CENPN: variants seen among roughly 807,000 people sequenced by gnomAD.
The protein encoded by CENPN is interphase centromere complex protein 32.
In CENPN, 36 loss-of-function variants were observed where a neutral mutation model predicts 48.6. That is an observed-to-expected ratio of 0.74 (90% CI 0.57 to 0.98). The LOEUF is 0.98. Among genes scored for constraint, CENPN ranks in the 50% least tolerant of loss-of-function variants. CENPN has a pLI of 0.00. For missense variants in CENPN, 439 were observed against 399.2 expected (o/e 1.10, Z -0.85); for synonymous variants, 166 against 135.2 (o/e 1.23, Z -1.58).
At chr16:81,023,035 CAG>C (rs2151699571) in intron 7 of CENPN, 1 of 678,462 alleles carries the variant, frequency 1.5e-6, no homozygotes, top group African/African-American at 1.8e-5. Context: ...TATGAAACAA[CAG>C]AGAAGTAGAA....
Position 81,028,618 on chromosome 16 carries a change from G to C in CENPN, c.987G>C (p.Lys329Asn). The change falls in exon 11 of 11, where the codon AAG (lysine) becomes AAC (asparagine). Residue 329 changes from lysine (K) to asparagine (N), a missense_variant. By Grantham distance (94) the Lys-to-Asn change is moderately conservative. Coordinates refer to ENST00000305850, the MANE Select transcript of CENPN (RefSeq NM_001100624.3). Reference sequence around the variant, plus strand: ...CACTGCTCACTTGCATACCCAACAAGAGAATGAATTATTTTAAAATTAGAG... The same window carrying C: ...CACTGCTCACTTGCATACCCAACAACAGAATGAATTATTTTAAAATTAGAG... ...LSPLLTCIPN[K>N]RMNYFKIRDK 3 of 1,611,742 alleles carry C rather than the reference G, an allele frequency of 1.9e-6. No homozygotes were observed. The highest frequency in any genetic ancestry group is 2.5e-6 in the Non-Finnish European group (3 of 1,179,570).
chr16:81,024,912 A>G (rs985622832), intron 8 of CENPN, 134 bp downstream of exon 8: 2 of 513,292 alleles, frequency 3.9e-6, no homozygotes, highest in Non-Finnish European at 6.7e-6. Flanking sequence ...TGAAAAGTAA[A>G]TATCTGTTGA....
At chr16:81,022,500 CTA>C in intron 6 of CENPN, 95 bp from the exon 7 acceptor site, 1 of 1,004,500 alleles carries the variant, frequency 1.0e-6, no homozygotes, top group Non-Finnish European at 1.5e-6. Flanking sequence ...TACGGGGAAA[CTA>C]TTCCCTAATT....
rs1002472284 is a variant in CENPN, at chr16:81,024,638, T to C, written c.634-77T>C. On this transcript the variant is annotated intron_variant, in intron 7 of 10. Coordinates refer to ENST00000305850, the MANE Select transcript of CENPN (RefSeq NM_001100624.3). ...AAAAAAATAAACATTTGACATACTT[T>C]AATATACTAAAAAAAAAATTAATAT... 1.4e-5 allele frequency: 13 copies of C among 955,106 alleles called. No homozygotes were observed. The Admixed American group carries it at 2.9e-4, about 21-fold the overall frequency. 59.2% of individuals were successfully genotyped at this position (955,106 alleles called of 1,614,324 possible). A position where few individuals can be genotyped will look rare whatever the true frequency, so the allele number is the denominator to read the frequency against.
chr16:81,022,987 A>G, intron 7 of CENPN: 1 of 1,012,826 alleles, frequency 9.9e-7, no homozygotes, highest in Non-Finnish European at 1.4e-6. Context: ...CTCTTTAGAG[A>G]AACTTCACAT....
chr16:81,024,787 G>A lies in CENPN; in HGVS notation c.697+9G>A. 2 of 1,579,290 alleles carry A rather than the reference G, an allele frequency of 1.3e-6. No individual in the cohort carries two copies. Among genetic ancestry groups the A allele is most frequent in the South Asian group, 1.1e-5 (1 of 87,688 alleles). ...TGGACTAGATATAAATAGTACGTGT[G>A]TGTTAATATGAAACTGAATTTTGGA... On this transcript the variant is annotated intron_variant, in intron 8 of 10. Transcript: ENST00000305850.
At chr16:81,019,377 T>G (rs1390848759) in intron 5 of CENPN, among the ~76,000 whole-genome samples, 1 of 151,004 alleles carries the variant, frequency 6.6e-6, no homozygotes, top group Non-Finnish European at 1.5e-5. Flanking sequence ...TCACCGTGCC[T>G]GGCTTTTTTT....
intron 3 of CENPN, among the ~76,000 whole-genome samples, chr16:81,015,735 G>C (rs554270056): frequency 6.6e-6 from 1 of 152,332 alleles, no homozygotes; most frequent in South Asian, 2.1e-4. Context: ...GCTGGACGCA[G>C]TGGCTCACAC....
intron 2 of CENPN, 41 bp downstream of exon 2, chr16:81,012,151 C>T (rs749211374): frequency 8.3e-6 from 13 of 1,573,092 alleles, no homozygotes; most frequent in Non-Finnish European, 8.7e-6. Context: ...CAGAGTGCTA[C>T]CCCCTTGGGT....
At chr16:81,018,021 A>G (rs898390239) in intron 5 of CENPN, among the ~76,000 whole-genome samples, 187 bp downstream of exon 5, 10 of 152,074 alleles carry the variant, frequency 6.6e-5, no homozygotes, top group African/African-American at 2.4e-4. Context: ...TCTCCTGTCC[A>G]TTCAGGGCCT....
At chr16:81,011,800 C>T (rs1026492632) in intron 1 of CENPN, 130 bp from the exon 2 acceptor site, 14 of 723,078 alleles carry the variant, frequency 1.9e-5, no homozygotes, top group Non-Finnish European at 2.9e-5. Context: ...CCTAAGAGTT[C>T]AAGACCAACG....
intron 10 of CENPN, 95 bp downstream of exon 10, chr16:81,028,392 ACC>A: frequency 1.3e-6 from 2 of 1,514,078 alleles, no homozygotes; most frequent in South Asian, 2.4e-5. Flanking sequence ...CTCACCCATC[ACC>A]CTAGTCTGCT....
intron 5 of CENPN, among the ~76,000 whole-genome samples, chr16:81,018,233 G>T (rs1371141244): frequency 6.6e-6 from 1 of 151,726 alleles, no homozygotes; most frequent in African/African-American, 2.4e-5. Context: ...CTGGAGTGCA[G>T]TGGCGAGATC....
downstream of CENPN, chr16:81,031,495 T>C (rs1245614697): frequency 6.6e-6 from 1 of 152,238 alleles, no homozygotes; most frequent in Non-Finnish European, 1.5e-5. Context: ...CTTTGCAGTG[T>C]GGTCTTTTGC....
chr16:81,018,465 C>G (rs1970025529), intron 5 of CENPN, among the ~76,000 whole-genome samples: 2 of 152,134 alleles, frequency 1.3e-5, no homozygotes, highest in African/African-American at 4.8e-5. Flanking sequence ...TGAGCCACCG[C>G]ACCCAGCCTG....
chr16:81,014,094 ACC>A (rs1368036904), intron 2 of CENPN, 40 bp from the exon 3 acceptor site: 1 of 1,560,146 alleles, frequency 6.4e-7, no homozygotes, highest in East Asian at 2.2e-5. Flanking sequence ...ATAGAACCAA[ACC>A]TATAACCACA....
At chr16:81,010,571 C>A (rs1420384140) in intron 1 of CENPN, among the ~76,000 whole-genome samples, 1 of 152,190 alleles carries the variant, frequency 6.6e-6, no homozygotes, top group Non-Finnish European at 1.5e-5. Flanking sequence ...AGACAGCAAT[C>A]CACTGCACCA....
chr16:81,026,588 G>A lies in CENPN; in HGVS notation c.760G>A (p.Glu254Lys). 6.2e-7 allele frequency: 1 copy of A among 1,607,096 alleles called. No individual in the cohort carries two copies. The highest frequency in any genetic ancestry group is 8.5e-7 in the Non-Finnish European group (1 of 1,175,172). ...AGAGAGAGTCCAACGAATAACTCAA[G>A]AAACATTTGGAGATTATCCTCAACC... ...EKERVQRITQ[E>K]TFGDYPQPQL... The change falls in exon 9 of 11, where the codon GAA (glutamate) becomes AAA (lysine). Residue 254 changes from glutamate to lysine, a missense_variant. Glu to Lys is a moderately conservative substitution (Grantham distance 56, BLOSUM62 1). Coordinates refer to ENST00000305850, the MANE Select transcript of CENPN (RefSeq NM_001100624.3).
rs1351214079 is a variant in CENPN, at chr16:81,028,699, A to G, written c.*48A>G. Reference sequence around the variant, plus strand: ...CAGCTCCTCCTTCTTGATATTGCACATGCACTTCAGTTCATGGCTAGCTGT... The same window carrying G: ...CAGCTCCTCCTTCTTGATATTGCACGTGCACTTCAGTTCATGGCTAGCTGT... On this transcript the variant is annotated 3_prime_UTR_variant, in exon 11 of 11. Transcript: ENST00000305850. The G allele has an allele frequency of 1.3e-6, 2 of 1,587,362 alleles. No individual in the cohort carries two copies. Among genetic ancestry groups the G allele is most frequent in the Admixed American group, 1.9e-5 (1 of 52,536 alleles).
Sources: allele counts gnomAD v4.1 joint callset (sites outside exome capture counted in the v4.1 genomes callset), GRCh38; gene constraint gnomAD v4.1.1; transcripts MANE v1.5; gene names NCBI Gene and HGNC (gene_info 2026-07-23, HGNC 2026-07-21).